RANBP17: variants seen among roughly 807,000 people sequenced by gnomAD.
The protein encoded by RANBP17 is RAN binding protein 17.
In RANBP17, 158 loss-of-function variants were observed where a neutral mutation model predicts 141.2. The ratio of observed to expected loss-of-function variants is 1.12; its 90% CI spans 0.98 to 1.28. The LOEUF is 1.28. Among genes scored for constraint, RANBP17 ranks in the 50% most tolerant of loss-of-function variants. The pLI is 0.00. For synonymous variants in RANBP17, 430 were observed against 450.0 expected (o/e 0.96, Z 0.56); for missense variants, 1,438 against 1,290.7 (o/e 1.11, Z -1.75).
intron 14 of RANBP17, among the ~76,000 whole-genome samples, chr5:171,162,549 A>G (rs1334128254): frequency 1.3e-5 from 2 of 152,098 alleles, no homozygotes; most frequent in African/African-American, 4.8e-5. Flanking sequence ...AATCTCTCCA[A>G]AATTACCAGC....
intron 22 of RANBP17, among the ~76,000 whole-genome samples, chr5:171,238,319 A>T (rs758701425): frequency 7.2e-5 from 11 of 152,214 alleles, no homozygotes; most frequent in Non-Finnish European, 1.6e-4. Flanking sequence ...TATCTGACAT[A>T]GTCCAAAAGG....
At position 171,209,193 on chromosome 5, in the gene RANBP17, T is replaced by C. The variant is rs375502440; in HGVS notation, c.2231+3581T>C. Among the ~76,000 whole-genome samples the C allele has an allele frequency of 1.3e-3, 196 of 152,198 alleles. 9 individuals are homozygous for C. In the South Asian group the frequency reaches 0.039, roughly 30 times the overall value. On this transcript the variant is annotated intron_variant, in intron 20 of 27. Transcript: ENST00000523189. ...TAAGTAGGATTGGACCATATGGAAA[T>C]AGGAAGAAATACAGGTTTTCGGTTG...
intron 14 of RANBP17, among the ~76,000 whole-genome samples, chr5:170,999,399 G>A (rs555703804): frequency 3.9e-4 from 60 of 152,036 alleles, no homozygotes; most frequent in African/African-American, 1.2e-3. Context: ...TGCAATTATC[G>A]CTGAAATGCA....
intron 25 of RANBP17, among the ~76,000 whole-genome samples, chr5:171,278,196 G>A (rs895486245): frequency 2.0e-5 from 3 of 151,800 alleles, no homozygotes; most frequent in Non-Finnish European, 4.4e-5. Context: ...ACCAGCCTGG[G>A]CAACATAGCA....
chr5:171,057,782 G>C (rs1373455762), intron 14 of RANBP17, among the ~76,000 whole-genome samples: 1 of 152,074 alleles, frequency 6.6e-6, no homozygotes, highest in East Asian at 1.9e-4. Flanking sequence ...AGTGCAAGCA[G>C]GGGTAATGCC....
intron 14 of RANBP17, among the ~76,000 whole-genome samples, chr5:171,130,713 T>C (rs994604995): frequency 2.6e-5 from 4 of 152,108 alleles, no homozygotes; most frequent in African/African-American, 9.7e-5. Context: ...CTTTTTTATA[T>C]ATATGTAGAA....
At chr5:171,112,841 C>T (rs1755340656) in intron 14 of RANBP17, among the ~76,000 whole-genome samples, 2 of 151,734 alleles carry the variant, frequency 1.3e-5, no homozygotes, top group Non-Finnish European at 2.9e-5. Context: ...AGGAATTAAA[C>T]AAAGCTCTAT....
chr5:171,252,858 G>A, intron 24 of RANBP17: 5 of 1,325,344 alleles, frequency 3.8e-6, no homozygotes, highest in Non-Finnish European at 5.4e-6. Flanking sequence ...ATGATTTTTG[G>A]TTGTTGTTTG....
chr5:171,105,381 CAAAAA>C lies in RANBP17; in HGVS notation c.1711-64728_1711-64724del. ...TGGGCGACAGAGCGAGACTCCGTCTCAAAAAAAAAAAAAAAAAAAAAAAAATTTTC... is the reference window on the plus strand; with the variant it reads ...TGGGCGACAGAGCGAGACTCCGTCTCAAAAAAAAAAAAAAAAAAAATTTTC... On this transcript the variant is annotated intron_variant, in intron 14 of 27. Transcript: ENST00000523189. 3.7e-5 allele frequency among the ~76,000 whole-genome samples: 2 copies of C among 54,292 alleles called. 1 individual carries two copies. The highest frequency in any genetic ancestry group is 1.6e-4 in the African/African-American group (2 of 12,378). The allele number at this position is 54,292 out of a possible 152,430, so 35.6% of individuals were successfully genotyped here.
At chr5:171,015,374 G>A (rs1282903931) in intron 14 of RANBP17, among the ~76,000 whole-genome samples, 1 of 152,026 alleles carries the variant, frequency 6.6e-6, no homozygotes, top group Non-Finnish European at 1.5e-5. Flanking sequence ...TTCTGTTGCT[G>A]TTGATAAGTT....
At chr5:170,909,159 AGATTTCT>A (rs1172552816) in intron 5 of RANBP17, among the ~76,000 whole-genome samples, 1 of 151,946 alleles carries the variant, frequency 6.6e-6, no homozygotes. Context: ...ATAAGAAATC[AGATTTCT>A]GATTATTTAT....
chr5:171,034,768 A>G (rs1463686791), intron 14 of RANBP17, among the ~76,000 whole-genome samples: 1 of 152,216 alleles, frequency 6.6e-6, no homozygotes, highest in African/African-American at 2.4e-5. Flanking sequence ...TTTCCTGCCC[A>G]GCATCTTTTG....
chr5:171,230,052 C>A (rs1205146875), intron 22 of RANBP17, among the ~76,000 whole-genome samples: 1 of 151,594 alleles, frequency 6.6e-6, no homozygotes, highest in Non-Finnish European at 1.5e-5. Context: ...GCAACAACAG[C>A]GAAACTCCGT....
At chr5:171,122,583 G>A (rs1363395136) in intron 14 of RANBP17, among the ~76,000 whole-genome samples, 1 of 152,206 alleles carries the variant, frequency 6.6e-6, no homozygotes, top group Non-Finnish European at 1.5e-5. Flanking sequence ...CTCAGAGCCA[G>A]GAGGAGCACC....
At chr5:170,872,185 C>T (rs1278571568) in intron 1 of RANBP17, among the ~76,000 whole-genome samples, 1 of 152,060 alleles carries the variant, frequency 6.6e-6, no homozygotes, top group East Asian at 1.9e-4. Flanking sequence ...TGTGTCCTCT[C>T]ATTTCCTCGA....
Position 170,968,239 on chromosome 5 carries a change from A to G in RANBP17, c.1575-3A>G, listed in dbSNP as rs1776731114. On this transcript the variant is annotated splice_polypyrimidine_tract_variant and splice_region_variant and intron_variant, in intron 13 of 27. Transcript: ENST00000523189. The stretch of plus-strand genomic sequence containing the variant: ...GTTTTTTTTTTATTTTCCCTTCATG[A>G]AGAGTTTTTCAGCTTATATCTTTAA... 6.5e-7 allele frequency: 1 copy of G among 1,549,026 alleles called. No homozygotes were observed. Among genetic ancestry groups the G allele is most frequent in the South Asian group, 1.3e-5 (1 of 79,176 alleles).
rs145649496 is a variant in RANBP17 at position 171,288,581 on chromosome 5, T to C, written c.2944-5302T>C. ...TTCACATCCTGGTAGCTGCAGTACC[T>C]TGAACAAGTTATTTATTTGCCCAGA... On this transcript the variant is annotated intron_variant, in intron 25 of 27. Transcript: ENST00000523189. Among the ~76,000 whole-genome samples, 339 of 152,330 alleles carry C rather than the reference T, an allele frequency of 2.2e-3. 1 individual carries two copies. The highest frequency in any genetic ancestry group is 8.0e-3 in the African/African-American group (332 of 41,584).
At chr5:171,200,231 A>G (rs1278813298) in intron 19 of RANBP17, among the ~76,000 whole-genome samples, 2 of 152,214 alleles carry the variant, frequency 1.3e-5, no homozygotes, top group Non-Finnish European at 1.5e-5. Context: ...ATATGTATAA[A>G]TAGGAACTGG....
intron 14 of RANBP17, among the ~76,000 whole-genome samples, chr5:171,094,748 G>A (rs78059257): frequency 0.058 from 8,841 of 152,194 alleles, 346 homozygotes; most frequent in East Asian, 0.12. Context: ...AGTATCTGCA[G>A]TTTTCCCAAG....
Sources: gnomAD v4.1 joint callset for allele counts (sites outside exome capture counted in the v4.1 genomes callset) on GRCh38, gnomAD v4.1.1 for gene constraint, MANE v1.5 for transcripts, NCBI Gene and HGNC (gene_info 2026-07-23, HGNC 2026-07-21) for gene names.